The following NF1 variants were observed in gnomAD, a reference collection of about 807,000 sequenced individuals.
NF1 encodes the protein neurofibromin.
Under a neutral mutation model 325.7 loss-of-function variants are expected in NF1, and 122 were observed. That is an observed-to-expected ratio of 0.37 (90% confidence interval 0.32 to 0.44). The LOEUF (loss-of-function observed/expected upper bound fraction) is 0.44, where lower values mean the gene tolerates loss of function less well. Ranked by LOEUF, NF1 falls within the 20% of genes least tolerant of loss-of-function variation. The probability of loss-of-function intolerance (pLI) is 1.00; values close to 1 mark genes in which losing one functional copy is unlikely to be tolerated. For synonymous variants in NF1, 1,091 were observed against 1,186.0 expected, an observed-to-expected ratio of 0.92 and a Z score of 1.65; for missense variants, 2,140 against 3,415.4, an observed-to-expected ratio of 0.63 and a Z score of 9.31.
intron 1 of NF1, among the ~76,000 whole-genome samples, chr17:31,110,996 C>G (rs559007607): frequency 6.6e-6 from 1 of 152,094 alleles, no homozygotes. Flanking sequence ...TGTTGTACTC[C>G]CAGGGCTTAG....
At chr17:31,274,610 T>C (rs1291491203) in intron 36 of NF1, among the ~76,000 whole-genome samples, 1 of 152,098 alleles carries the variant, frequency 6.6e-6, no homozygotes, top group East Asian at 1.9e-4. Context: ...AAAAAAAAAC[T>C]ACTTGGCAAC....
intron 36 of NF1, among the ~76,000 whole-genome samples, chr17:31,273,330 A>G (rs982843177): frequency 1.3e-5 from 2 of 152,170 alleles, no homozygotes; most frequent in Non-Finnish European, 2.9e-5. Context: ...CAACAACAAC[A>G]ACAATAACAA....
At chr17:31,232,234 GC>G in intron 25 of NF1, 45 bp downstream of exon 25, 1 of 1,165,720 alleles carries the variant, frequency 8.6e-7, no homozygotes, top group Non-Finnish European at 1.3e-6. Context: ...AGCAAATAAA[GC>G]CCCCCACCAC....
At chr17:31,364,877 A>C (rs553817679) in intron 57 of NF1, among the ~76,000 whole-genome samples, 1 of 152,324 alleles carries the variant, frequency 6.6e-6, no homozygotes, top group East Asian at 1.9e-4. Flanking sequence ...AACACCAATA[A>C]GAGCATCTTG....
intron 36 of NF1, chr17:31,319,152 C>T: frequency 1.1e-6 from 1 of 930,586 alleles, no homozygotes; most frequent in Non-Finnish European, 1.6e-6. Flanking sequence ...TATTCGCTAC[C>T]CTGAATTCCT....
At chr17:31,107,368 C>T (rs1239841987) in intron 1 of NF1, among the ~76,000 whole-genome samples, 1 of 152,110 alleles carries the variant, frequency 6.6e-6, no homozygotes, top group African/African-American at 2.4e-5. Flanking sequence ...CAACGAAGAC[C>T]TGAAGCTCTT....
intron 36 of NF1, among the ~76,000 whole-genome samples, chr17:31,276,208 C>A (rs1419955772): frequency 2.7e-4 from 21 of 78,914 alleles, no homozygotes; most frequent in East Asian, 7.3e-4. Flanking sequence ...GACTCCATCT[C>A]AAAAAAAAAA....
At chr17:31,202,174 G>A (rs1224770289) in intron 11 of NF1, among the ~76,000 whole-genome samples, 1 of 152,100 alleles carries the variant, frequency 6.6e-6, no homozygotes, top group Non-Finnish European at 1.5e-5. Flanking sequence ...TTAAAATTCT[G>A]TTCTTGTAAT....
intron 36 of NF1, among the ~76,000 whole-genome samples, chr17:31,277,250 A>G (rs1350384980): frequency 6.6e-6 from 1 of 152,166 alleles, no homozygotes; most frequent in Non-Finnish European, 1.5e-5. Flanking sequence ...GTTCAAAGCC[A>G]TGTTGTTTAA....
At chr17:31,213,251 G>T (rs1202483481) in intron 12 of NF1, among the ~76,000 whole-genome samples, 1 of 152,184 alleles carries the variant, frequency 6.6e-6, no homozygotes, top group East Asian at 1.9e-4. Flanking sequence ...TTTGGGGTCA[G>T]GGGGCAGTTA....
At chr17:31,329,874 A>G (rs929198388) in intron 38 of NF1, among the ~76,000 whole-genome samples, 2 of 152,190 alleles carry the variant, frequency 1.3e-5, no homozygotes, top group African/African-American at 4.8e-5. Context: ...TATGATCCCC[A>G]TTATAACTGG....
At chr17:31,145,561 G>GTTCCC (rs1010967990) in intron 1 of NF1, among the ~76,000 whole-genome samples, 5 of 151,974 alleles carry the variant, frequency 3.3e-5, no homozygotes, top group Non-Finnish European at 5.9e-5. Flanking sequence ...AGCTTCCCCT[G>GTTCCC]AACACCTTAT....
chr17:31,246,631 A>T (rs1455259018), intron 29 of NF1, among the ~76,000 whole-genome samples: 2 of 152,196 alleles, frequency 1.3e-5, no homozygotes, highest in East Asian at 3.8e-4. Context: ...TGAGTTTCAT[A>T]AGGGGTGTAT....
intron 15 of NF1, chr17:31,222,185 A>G (rs1394206701): frequency 2.6e-6 from 3 of 1,163,808 alleles, no homozygotes; most frequent in African/African-American, 3.2e-5. Context: ...GTTGTTTGGT[A>G]TATTACTTTT....
chr17:31,333,717 A>G (rs1364394581), intron 39 of NF1, among the ~76,000 whole-genome samples: 2 of 152,204 alleles, frequency 1.3e-5, no homozygotes, highest in Non-Finnish European at 2.9e-5. Flanking sequence ...AAAAGGTTCT[A>G]GAGATGGATG....
chr17:31,186,256 T>C (rs573185518), intron 8 of NF1, among the ~76,000 whole-genome samples: 8 of 152,288 alleles, frequency 5.3e-5, no homozygotes, highest in African/African-American at 1.7e-4. Context: ...GATAGCCTCA[T>C]AGGGAGTTCC....
At position 31,233,049 on chromosome 17, in the gene NF1, G is replaced by A. The variant is rs1555615027; in HGVS notation, c.3544G>A (p.Val1182Ile). 1 of 1,614,218 alleles carries A rather than the reference G, an allele frequency of 6.2e-7. No individual in the cohort carries two copies. Among genetic ancestry groups the A allele is most frequent in the Middle Eastern group, 1.6e-4 (1 of 6,062 alleles). Residue 1182 changes from valine (V) to isoleucine (I), a missense_variant, in exon 27 of 58, where the codon GTT (valine) becomes ATT (isoleucine). Val to Ile is a conservative substitution (Grantham distance 29, BLOSUM62 3). Transcript: ENST00000358273. ...CCAGACAAGAGCTACATTTATGGAA[G>A]TTCTGACAAAAATCCTTCAACAAGG... Reference protein sequence around the residue: ...DLQTRATFMEVLTKILQQGTE... With the variant: ...DLQTRATFMEILTKILQQGTE...
chr17:31,121,448 T>G (rs1210840644), intron 1 of NF1, among the ~76,000 whole-genome samples: 1 of 143,192 alleles, frequency 7.0e-6, no homozygotes, highest in Non-Finnish European at 1.5e-5. Context: ...TCACCCAGGC[T>G]GGAGTGCAGA....
Position 31,285,003 on chromosome 17 carries a change from C to T in NF1, c.4835+19664C>T, listed in dbSNP as rs550248983. On this transcript the variant is annotated intron_variant, in intron 36 of 57. Transcript: ENST00000358273. ...GGCATGCTTTGCGCGCCTGTAATTCCAGCTACTCAGGAGGCTGAGGCAGGA... is the reference window on the plus strand; with the variant it reads ...GGCATGCTTTGCGCGCCTGTAATTCTAGCTACTCAGGAGGCTGAGGCAGGA... Among the ~76,000 whole-genome samples, 4 of 151,544 alleles carry T rather than the reference C, an allele frequency of 2.6e-5. No homozygotes were observed. The South Asian group carries it at 8.3e-4, about 31-fold the overall frequency.
Sources: gnomAD v4.1 joint callset for allele counts (sites outside exome capture counted in the v4.1 genomes callset) on GRCh38, gnomAD v4.1.1 for gene constraint, MANE v1.5 for transcripts, NCBI Gene and HGNC (gene_info 2026-07-23, HGNC 2026-07-21) for gene names.